Variants in SLC16A2 observed in about 807,000 individuals in gnomAD.
SLC16A2 encodes the protein monocarboxylate transporter 8.
SLC16A2 carries 3 observed loss-of-function variants against 27.2 expected under a neutral mutation model. The observed-to-expected ratio is 0.11, with a 90% CI of 0.05 to 0.28. The LOEUF (loss-of-function observed/expected upper bound fraction) is 0.28. Among genes scored for constraint, SLC16A2 ranks in the 10% least tolerant of loss-of-function variants. The pLI is 1.00. For missense variants in SLC16A2, 295 were observed against 458.5 expected (o/e 0.64, Z 3.26); for synonymous variants, 202 against 187.8 (o/e 1.08, Z -0.62).
intron 1 of SLC16A2, among the ~76,000 whole-genome samples, chrX:74,447,711 G>C (rs1928862992): frequency 9.3e-6 from 1 of 107,548 alleles, no homozygotes; most frequent in African/African-American, 3.4e-5. Flanking sequence ...GAGCACAGTG[G>C]CTCATGCCTG....
intron 1 of SLC16A2, among the ~76,000 whole-genome samples, chrX:74,493,194 G>T (rs758060262): frequency 4.5e-5 from 5 of 111,860 alleles, no homozygotes; most frequent in Non-Finnish European, 5.6e-5. Context: ...CAGCTGTGTT[G>T]GTTACTTCAG....
At chrX:74,514,003 A>T (rs1264294935) in intron 1 of SLC16A2, among the ~76,000 whole-genome samples, 3 of 111,964 alleles carry the variant, frequency 2.7e-5, no homozygotes, top group Non-Finnish European at 5.6e-5. Context: ...CTTCATTTTT[A>T]AAAATATACA....
chrX:74,468,565 T>C (rs1393025976), intron 1 of SLC16A2, among the ~76,000 whole-genome samples: 1 of 112,309 alleles, frequency 8.9e-6, no homozygotes, highest in Non-Finnish European at 1.9e-5. Flanking sequence ...TTATGAGTAA[T>C]GCTGCTATGA....
At chrX:74,530,124 G>GCTCTGTCAC (rs1930545513) in intron 5 of SLC16A2, among the ~76,000 whole-genome samples, 2 of 83,548 alleles carry the variant, frequency 2.4e-5, no homozygotes, top group Admixed American at 3.2e-4. Context: ...ACAGAGTCTT[G>GCTCTGTCAC]CTCTGTCACC....
rs181755409 is a variant in SLC16A2, at chrX:74,529,511, G to A, written c.1399+70G>A. 4.4e-4 allele frequency: 365 copies of A among 826,144 alleles called. No individual in the cohort carries two copies. The African/African-American group carries it at 6.4e-3, about 15-fold the overall frequency. 68.1% of individuals were successfully genotyped at this position (826,144 alleles called of 1,213,427 possible). A position where few individuals can be genotyped will look rare whatever the true frequency, so the allele number is the denominator to read the frequency against. ...TTTCCCTGGGTACTGGCACTCCTGA[G>A]CATCTCTCCTTGAGGCCCCTTTTCC... On this transcript the variant is annotated intron_variant, in intron 5 of 5. Transcript: ENST00000587091.
chrX:74,513,514 C>T, intron 1 of SLC16A2, among the ~76,000 whole-genome samples: 1 of 111,808 alleles, frequency 8.9e-6, no homozygotes, highest in Non-Finnish European at 1.9e-5. Context: ...CCCAATAACA[C>T]CTATCTATTA....
At chrX:74,516,621 G>A (rs1930321415) in intron 1 of SLC16A2, among the ~76,000 whole-genome samples, 1 of 111,062 alleles carries the variant, frequency 9.0e-6, no homozygotes, top group Non-Finnish European at 1.9e-5. Context: ...ACTAAAAAAG[G>A]TATACAAAGG....
chrX:74,506,943 T>TATTTA lies in SLC16A2; in HGVS notation c.431-14047_431-14046insATTTA, dbSNP rs200493416. On this transcript the variant is annotated intron_variant, in intron 1 of 5. Transcript: ENST00000587091. Reference sequence around the variant, plus strand: ...TTTATTTATTTATTTATTTATTTTTTTTTTTTTGAGGCAGGGTCTCGCTTT... The same window carrying TATTTA: ...TTTATTTATTTATTTATTTATTTTTTATTTATTTTTTTGAGGCAGGGTCTCGCTTT... Among the ~76,000 whole-genome samples, 142 of 82,446 alleles carry TATTTA rather than the reference T, an allele frequency of 1.7e-3. 1 individual carries two copies. Among genetic ancestry groups the TATTTA allele is most frequent in the African/African-American group, 2.6e-3 (64 of 24,769 alleles). The allele number at this position is 82,446 out of a possible 115,157, so 71.6% of individuals were successfully genotyped here.
At position 74,476,961 on chromosome X, in the gene SLC16A2, A is replaced by C. The variant is rs1303981973; in HGVS notation, c.431-44029A>C. 8.9e-6 allele frequency: 1 copy of C among 111,861 alleles called. No homozygotes were observed. Among genetic ancestry groups the C allele is most frequent in the Admixed American group, 9.5e-5 (1 of 10,530 alleles). The allele number at this position is 111,861 out of a possible 1,213,427, so 9.2% of individuals were successfully genotyped here. A position where few individuals can be genotyped will look rare whatever the true frequency, so the allele number is the denominator to read the frequency against. On this transcript the variant is annotated intron_variant, in intron 1 of 5. Coordinates refer to ENST00000587091, the MANE Select transcript of SLC16A2 (RefSeq NM_006517.5). ...TCTCTTTTTTTGTTGTGTCTCTGCC[A>C]GGCTTTGGTATCAGAATGATGCTGG... is the stretch of plus-strand genomic sequence containing the variant.
chrX:74,479,543 G>A (rs180833302), intron 1 of SLC16A2, among the ~76,000 whole-genome samples: 20 of 112,329 alleles, frequency 1.8e-4, no homozygotes, highest in Admixed American at 4.7e-4. Flanking sequence ...GCATTCCTTC[G>A]GAGGAAGAGA....
chrX:74,421,676 G>A lies in SLC16A2; in HGVS notation c.39G>A (p.Gly13=). ...LQSQASEEAK[G]PWQEADQEQQ... ...GCCAGGCGAGCGAGGAAGCAAAGGG[G>A]CCCTGGCAGGAGGCAGACCAGGAAC... is the stretch of plus-strand genomic sequence containing the variant. The change falls in exon 1 of 6, where the codon GGG becomes GGA. Residue 13 remains glycine (G), a synonymous_variant. Transcript: ENST00000587091. 1 of 1,199,914 alleles carries A rather than the reference G, an allele frequency of 8.3e-7. No individual in the cohort carries two copies. The highest frequency in any genetic ancestry group is 1.8e-5 in the South Asian group (1 of 55,716).
chrX:74,491,771 G>C (rs770569854), intron 1 of SLC16A2, among the ~76,000 whole-genome samples: 1 of 112,660 alleles, frequency 8.9e-6, no homozygotes, highest in South Asian at 3.7e-4. Flanking sequence ...TTGAATAAAT[G>C]TTCCTTCATT....
At chrX:74,460,974 T>C (rs759197885) in intron 1 of SLC16A2, among the ~76,000 whole-genome samples, 9 of 111,994 alleles carry the variant, frequency 8.0e-5, no homozygotes, top group African/African-American at 1.3e-4. Flanking sequence ...TTTCTAAACA[T>C]TGGAGAAGTA....
At chrX:74,513,433 C>T (rs1023329569) in intron 1 of SLC16A2, among the ~76,000 whole-genome samples, 1 of 111,753 alleles carries the variant, frequency 8.9e-6, no homozygotes, top group Non-Finnish European at 1.9e-5. Flanking sequence ...TTCTAGAAAA[C>T]CTCTACCTAC....
intron 1 of SLC16A2, among the ~76,000 whole-genome samples, chrX:74,508,503 T>C (rs971625000): frequency 1.5e-4 from 17 of 112,687 alleles, no homozygotes; most frequent in African/African-American, 5.1e-4. Flanking sequence ...ATTGCTAGTA[T>C]ATATAAATAC....
At chrX:74,441,800 T>A (rs182277709) in intron 1 of SLC16A2, among the ~76,000 whole-genome samples, 2 of 111,403 alleles carry the variant, frequency 1.8e-5, no homozygotes, top group African/African-American at 3.3e-5. Context: ...GTCCCCAGAC[T>A]GGGCAATAAG....
At chrX:74,480,076 C>A (rs190841844) in intron 1 of SLC16A2, among the ~76,000 whole-genome samples, 140 of 112,489 alleles carry the variant, frequency 1.2e-3, no homozygotes, top group Non-Finnish European at 1.7e-3. Context: ...GCCCTGCCCC[C>A]AGAGGTGGAG....
At chrX:74,466,596 G>A (rs972618609) in intron 1 of SLC16A2, among the ~76,000 whole-genome samples, 2 of 112,173 alleles carry the variant, frequency 1.8e-5, no homozygotes, top group South Asian at 7.4e-4. Flanking sequence ...GTCTGTACAT[G>A]TTTAGCACAG....
At chrX:74,454,034 T>C (rs373408071) in intron 1 of SLC16A2, among the ~76,000 whole-genome samples, 11 of 111,463 alleles carry the variant, frequency 9.9e-5, no homozygotes, top group African/African-American at 3.6e-4. Context: ...TGCTCATCTA[T>C]TATTTTTCTG....
Sources: allele counts gnomAD v4.1 joint callset (sites outside exome capture counted in the v4.1 genomes callset), GRCh38; gene constraint gnomAD v4.1.1; transcripts MANE v1.5; gene names NCBI Gene and HGNC (gene_info 2026-07-23, HGNC 2026-07-21).